Variants in NLRP7 observed in about 807,000 individuals in gnomAD.
NLRP7 encodes NLR family pyrin domain containing 7.
Under a neutral mutation model 85.5 loss-of-function variants are expected in NLRP7, and 72 were observed. The ratio of observed to expected loss-of-function variants is 0.84; its 90% CI spans 0.70 to 1.02. The LOEUF is 1.02. Ranked by LOEUF, NLRP7 falls within the 50% of genes least tolerant of loss-of-function variation. The pLI, the probability that NLRP7 is intolerant of heterozygous loss-of-function variation, is 0.00. For missense variants in NLRP7, 1,243 were observed against 1,219.5 expected (o/e 1.02, Z -0.29); for synonymous variants, 550 against 505.2 (o/e 1.09, Z -1.19).
intron 6 of NLRP7, among the ~76,000 whole-genome samples, chr19:54,935,261 G>A (rs537275715): frequency 9.9e-5 from 15 of 151,578 alleles, no homozygotes; most frequent in South Asian, 2.1e-4. Flanking sequence ...ACAGGATCTC[G>A]CTCTGTTGCC....
chr19:54,964,028 C>T (rs2195968), intron 1 of NLRP7, among the ~76,000 whole-genome samples: 25,647 of 147,768 alleles, frequency 0.17, 2,392 homozygotes, highest in Non-Finnish European at 0.21. Flanking sequence ...TACAGGCACC[C>T]GCCACCACGC....
At chr19:54,960,133 C>A (rs1292177662) in intron 1 of NLRP7, among the ~76,000 whole-genome samples, 1 of 151,816 alleles carries the variant, frequency 6.6e-6, no homozygotes, top group African/African-American at 2.4e-5. Flanking sequence ...TCTGGTGTTT[C>A]TTGTTTTTTT....
intron 1 of NLRP7, among the ~76,000 whole-genome samples, chr19:54,955,669 C>A (rs1257480285): frequency 2.0e-5 from 3 of 152,068 alleles, no homozygotes; most frequent in African/African-American, 7.2e-5. Context: ...CGCCTGTGGT[C>A]CCAGCTACTC....
At position 54,939,888 on chromosome 19, in the gene NLRP7, G is replaced by T. The variant is rs79513034; in HGVS notation, c.931C>A (p.Leu311Ile). ...ACGTAGATCGGCTGCTGCGCCAGGA[G>T]CTGGAGGTCCCTCAGTGCCCTGGGC... The change falls in exon 4 of 10, where the codon CTC (leucine) becomes ATC (isoleucine). Residue 311 changes from leucine to isoleucine, a missense_variant. Leu to Ile is a conservative substitution (Grantham distance 5). Transcript: ENST00000340844. The T allele has an allele frequency of 0.014, 22,989 of 1,613,830 alleles. 260 individuals are homozygous for T. Among genetic ancestry groups the T allele is most frequent in the Non-Finnish European group, 0.016 (18,355 of 1,179,772 alleles).
intron 1 of NLRP7, among the ~76,000 whole-genome samples, chr19:54,963,418 G>A (rs767436443): frequency 2.0e-5 from 3 of 151,946 alleles, no homozygotes; most frequent in South Asian, 2.1e-4. Flanking sequence ...GGCTGGGCGC[G>A]GTGGTTCGTG....
chr19:54,931,149 C>T (rs1378851607), intron 8 of NLRP7, among the ~76,000 whole-genome samples: 1 of 152,166 alleles, frequency 6.6e-6, no homozygotes. Context: ...ATGGGCCGGG[C>T]ACAGTGGCTC....
intron 1 of NLRP7, among the ~76,000 whole-genome samples, chr19:54,945,083 CA>C (rs999109973): frequency 9.6e-5 from 14 of 146,344 alleles, no homozygotes; most frequent in South Asian, 8.6e-4. Context: ...ACTAAAAATA[CA>C]AAAAAAAAAT....
intron 1 of NLRP7, among the ~76,000 whole-genome samples, chr19:54,943,872 AC>A (rs1308113951): frequency 1.3e-5 from 2 of 152,036 alleles, no homozygotes; most frequent in Admixed American, 1.3e-4. Context: ...CCTAGCCCCA[AC>A]CCTGTGCTCC....
At chr19:54,949,268 C>T (rs953642243), upstream of NLRP7, among the ~76,000 whole-genome samples, 3 of 147,058 alleles carry the variant, frequency 2.0e-5, no homozygotes, top group African/African-American at 7.7e-5. Context: ...ACAGAGACTC[C>T]ATCTTTAAAA....
At chr19:54,946,563 T>C (rs1165645673) in intron 1 of NLRP7, among the ~76,000 whole-genome samples, 2 of 151,692 alleles carry the variant, frequency 1.3e-5, no homozygotes, top group Non-Finnish European at 2.9e-5. Flanking sequence ...CAATCACACC[T>C]CATTGCAGCC....
intron 1 of NLRP7, among the ~76,000 whole-genome samples, chr19:54,962,906 T>C (rs1038909970): frequency 2.0e-5 from 3 of 152,026 alleles, no homozygotes; most frequent in African/African-American, 7.2e-5. Context: ...GCCCCCTCAC[T>C]TTCTTATTCT....
intron 1 of NLRP7, among the ~76,000 whole-genome samples, chr19:54,943,330 G>A (rs775887): frequency 0.48 from 72,194 of 151,490 alleles, 18,158 homozygotes; most frequent in African/African-American, 0.64. Flanking sequence ...GGCCGGGTGC[G>A]GTGGCTCACG....
exon 9 of NLRP7, chr19:54,930,584 C>G: frequency 6.2e-7 from 1 of 1,612,194 alleles, no homozygotes; most frequent in Non-Finnish European, 8.5e-7. Context: ...ATACTCAAGT[C>G]CAGGTTTGTG....
At position 54,940,945 on chromosome 19, in the gene NLRP7, T is replaced by TC. The variant is rs104895553; in HGVS notation, c.337dup (p.Glu113GlyfsTer7). 4.8e-5 allele frequency: 78 copies of TC among 1,611,418 alleles called. No individual in the cohort carries two copies. Among genetic ancestry groups the TC allele is most frequent in the Non-Finnish European group, 6.5e-5 (76 of 1,177,688 alleles). On this transcript the variant is annotated frameshift_variant, in exon 3 of 10. Coordinates refer to ENST00000340844, the Ensembl canonical transcript of NLRP7. LOFTEE classifies it high-confidence loss of function. ...TATTTACCCACCTGGCTTTGCTAAC[T>TC]CCGAGTCTTCTTCTGCATCTCCCAG...
chr19:54,951,087 C>T (rs1352765206), upstream of NLRP7, among the ~76,000 whole-genome samples: 4 of 152,200 alleles, frequency 2.6e-5, no homozygotes, highest in East Asian at 3.8e-4. Flanking sequence ...TGAGTGGACA[C>T]AGCACATGTT....
intron 1 of NLRP7, among the ~76,000 whole-genome samples, chr19:54,962,843 C>T (rs1202460022): frequency 6.6e-6 from 1 of 151,592 alleles, no homozygotes; most frequent in Non-Finnish European, 1.5e-5. Flanking sequence ...TCGTGATCCG[C>T]CCGCCTCGGC....
At chr19:54,961,899 C>T (rs995861545) in intron 1 of NLRP7, among the ~76,000 whole-genome samples, 1 of 151,594 alleles carries the variant, frequency 6.6e-6, no homozygotes, top group Non-Finnish European at 1.5e-5. Flanking sequence ...AAGTGGATGC[C>T]TGTAATCCCA....
upstream of NLRP7, chr19:54,947,726 C>T: frequency 9.2e-7 from 1 of 1,086,030 alleles, no homozygotes; most frequent in Non-Finnish European, 1.2e-6. Context: ...CTTGCTGAAT[C>T]TCCCCAGGTG....
At chr19:54,927,529 C>G in intron 9 of NLRP7, 76 bp downstream of exon 10, 1 of 1,477,270 alleles carries the variant, frequency 6.8e-7, no homozygotes, top group Non-Finnish European at 9.4e-7. Context: ...GCACTCCAGC[C>G]TGAATGACAG....
Sources: allele counts gnomAD v4.1 joint callset (sites outside exome capture counted in the v4.1 genomes callset), GRCh38; gene constraint gnomAD v4.1.1; transcripts MANE v1.5; gene names NCBI Gene and HGNC (gene_info 2026-07-23, HGNC 2026-07-21).